The following ATP11B variants were observed in gnomAD, a reference collection of about 807,000 sequenced individuals.
ATP11B encodes ATPase phospholipid transporting 11B (putative), also known as phospholipid-transporting ATPase IF.
Under a neutral mutation model 157.8 loss-of-function variants are expected in ATP11B, and 81 were observed. That is an observed-to-expected ratio of 0.51 (90% CI 0.43 to 0.62). The LOEUF (loss-of-function observed/expected upper bound fraction) is 0.62. Ranked by LOEUF, ATP11B falls within the 20% of genes least tolerant of loss-of-function variation. ATP11B has a pLI of 0.00. For missense variants in ATP11B, 1,165 were observed against 1,402.2 expected (o/e 0.83, Z 2.70); for synonymous variants, 451 against 469.4 (o/e 0.96, Z 0.51).
chr3:182,822,586 A>C (rs1057026852), intron 2 of ATP11B, among the ~76,000 whole-genome samples: 1 of 152,182 alleles, frequency 6.6e-6, no homozygotes, highest in Non-Finnish European at 1.5e-5. Context: ...ACACGTGTGC[A>C]TGTGTCTTTA....
intron 1 of ATP11B, among the ~76,000 whole-genome samples, chr3:182,804,519 G>A (rs1416870324): frequency 6.6e-6 from 1 of 152,076 alleles, no homozygotes; most frequent in Non-Finnish European, 1.5e-5. Flanking sequence ...AGGTGTGAGC[G>A]ACCGCACCTG....
intron 8 of ATP11B, chr3:182,843,967 A>T (rs1413334952): frequency 6.6e-6 from 1 of 152,176 alleles, no homozygotes; most frequent in Non-Finnish European, 1.5e-5. Context: ...AACTATGCCT[A>T]GGTTTATTTT....
chr3:182,897,292 C>A lies in ATP11B; in HGVS notation c.3049-11C>A, dbSNP rs760530087. The stretch of plus-strand genomic sequence containing the variant: ...GTTTATATTTCTAAGGATATAAAAA[C>A]TTTTTTTTAGATGGCTCTGGAAACT... On this transcript the variant is annotated splice_polypyrimidine_tract_variant and intron_variant, in intron 26 of 29. Coordinates refer to ENST00000323116, the MANE Select transcript of ATP11B (RefSeq NM_014616.3). The A allele has an allele frequency of 6.6e-7, 1 of 1,516,212 alleles. No homozygotes were observed. Among genetic ancestry groups the A allele is most frequent in the Non-Finnish European group, 8.8e-7 (1 of 1,132,458 alleles). 93.9% of individuals were successfully genotyped at this position (1,516,212 alleles called of 1,614,324 possible). A position where few individuals can be genotyped will look rare whatever the true frequency, so the allele number is the denominator to read the frequency against.
chr3:182,870,211 A>G (rs975433542), intron 17 of ATP11B, among the ~76,000 whole-genome samples: 2 of 152,214 alleles, frequency 1.3e-5, no homozygotes, highest in African/African-American at 4.8e-5. Context: ...CTGTTTGAAG[A>G]GGTGAATTAT....
At chr3:182,902,474 C>T in intron 28 of ATP11B, 1 of 1,287,994 alleles carries the variant, frequency 7.8e-7, no homozygotes. Context: ...TTTCTGTCCA[C>T]TTATAGATGT....
At chr3:182,900,503 G>A (rs189614151) in intron 28 of ATP11B, among the ~76,000 whole-genome samples, 173 of 151,908 alleles carry the variant, frequency 1.1e-3, no homozygotes, top group African/African-American at 3.8e-3. Context: ...CTGTCCATGC[G>A]TATATATTTA....
At chr3:182,828,600 G>A (rs1330869227) in intron 3 of ATP11B, among the ~76,000 whole-genome samples, 1 of 150,716 alleles carries the variant, frequency 6.6e-6, no homozygotes, top group Non-Finnish European at 1.5e-5. Flanking sequence ...CTTTTCTTTG[G>A]CTTTTAATTT....
intron 5 of ATP11B, 98 bp downstream of exon 5, chr3:182,836,240 T>C (rs754397100): frequency 3.8e-6 from 6 of 1,563,938 alleles, no homozygotes; most frequent in Non-Finnish European, 5.3e-6. Flanking sequence ...CCTACTTTCC[T>C]ATGCTAAAAT....
chr3:182,871,485 A>C (rs1329231263), intron 17 of ATP11B, among the ~76,000 whole-genome samples: 1 of 152,236 alleles, frequency 6.6e-6, no homozygotes, highest in East Asian at 1.9e-4. Context: ...TATATTACTT[A>C]AAATCATTTA....
chr3:182,855,469 A>G (rs1256013278), intron 10 of ATP11B, among the ~76,000 whole-genome samples: 3 of 152,218 alleles, frequency 2.0e-5, no homozygotes, highest in Non-Finnish European at 4.4e-5. Flanking sequence ...GTGTTAGACA[A>G]AGAGCTAGAA....
chr3:182,827,496 T>C (rs1717803103), intron 2 of ATP11B, among the ~76,000 whole-genome samples: 1 of 152,200 alleles, frequency 6.6e-6, no homozygotes, highest in South Asian at 2.1e-4. Flanking sequence ...CACCACAGTT[T>C]AACCCCAAGC....
chr3:182,818,108 G>A (rs1446592420), intron 1 of ATP11B, among the ~76,000 whole-genome samples: 1 of 152,204 alleles, frequency 6.6e-6, no homozygotes, highest in Admixed American at 6.5e-5. Flanking sequence ...TGATGCTGGA[G>A]AGAAAGATGG....
chr3:182,832,642 AC>A (rs1361234494), intron 4 of ATP11B, among the ~76,000 whole-genome samples: 1 of 152,116 alleles, frequency 6.6e-6, no homozygotes, highest in Non-Finnish European at 1.5e-5. Flanking sequence ...TCAATTACTT[AC>A]ACTTTAATAT....
intron 2 of ATP11B, among the ~76,000 whole-genome samples, chr3:182,827,536 A>C (rs188595627): frequency 5.9e-5 from 9 of 151,874 alleles, no homozygotes; most frequent in African/African-American, 2.2e-4. Flanking sequence ...GTGCTATACT[A>C]TCTTACCTTT....
chr3:182,887,839 T>G (rs1722902581), intron 24 of ATP11B, 126 bp downstream of exon 24: 3 of 993,202 alleles, frequency 3.0e-6, no homozygotes, highest in Non-Finnish European at 4.3e-6. Context: ...TGATTTACAG[T>G]TGTTGAATAT....
At chr3:182,870,379 C>T (rs1341877280) in intron 17 of ATP11B, among the ~76,000 whole-genome samples, 1 of 152,208 alleles carries the variant, frequency 6.6e-6, no homozygotes, top group Non-Finnish European at 1.5e-5. Flanking sequence ...TCCACACTCA[C>T]CTCTGCTCAT....
intron 12 of ATP11B, 50 bp from the exon 13 acceptor site, chr3:182,865,406 T>C: frequency 1.9e-6 from 3 of 1,578,268 alleles, no homozygotes; most frequent in Non-Finnish European, 2.6e-6. Context: ...TTGTTTAACA[T>C]AGGACCATGA....
At chr3:182,826,131 C>T (rs1414446771) in intron 2 of ATP11B, among the ~76,000 whole-genome samples, 4 of 152,186 alleles carry the variant, frequency 2.6e-5, no homozygotes, top group Admixed American at 6.5e-5. Context: ...CTAGAGTTCT[C>T]CCTCTCTATA....
rs1721728339 is a variant in ATP11B, at chr3:182,872,397, A to G, written c.1908A>G (p.Thr636=). 6.2e-7 allele frequency: 1 copy of G among 1,613,686 alleles called. No homozygotes were observed. Among genetic ancestry groups the G allele is most frequent in the African/African-American group, 1.3e-5 (1 of 75,022 alleles). The change falls in exon 18 of 30, where the codon ACA becomes ACG. Residue 636 remains threonine, a synonymous_variant. Transcript: ENST00000323116. ...TGTGTATAGCATATAGAAAATTTAC[A>G]TCAAAAGAGTATGAGGAAATAGATA... is the stretch of plus-strand genomic sequence containing the variant. ...RTLCIAYRKF[T]SKEYEEIDKR... is the part of the protein sequence containing the mutation.
Sources: gnomAD v4.1 joint callset for allele counts (sites outside exome capture counted in the v4.1 genomes callset) on GRCh38, gnomAD v4.1.1 for gene constraint, MANE v1.5 for transcripts, NCBI Gene and HGNC (gene_info 2026-07-23, HGNC 2026-07-21) for gene names.